The following SORCS1 variants were observed in gnomAD, a reference collection of about 807,000 sequenced individuals.
SORCS1 encodes the protein VPS10 domain-containing receptor SorCS1.
SORCS1 carries 60 observed loss-of-function variants against 146.1 expected under a neutral mutation model. The observed-to-expected ratio is 0.41, with a 90% CI of 0.33 to 0.51. The LOEUF (loss-of-function observed/expected upper bound fraction) is 0.51. Ranked by LOEUF, SORCS1 falls within the 20% of genes least tolerant of loss-of-function variation. The pLI, the probability that SORCS1 is intolerant of heterozygous loss-of-function variation, is 0.21. For missense variants in SORCS1, 1,352 were observed against 1,487.6 expected, an observed-to-expected ratio of 0.91 and a Z score of 1.50; for synonymous variants, 637 against 584.0, an observed-to-expected ratio of 1.09 and a Z score of -1.31.
intron 2 of SORCS1, among the ~76,000 whole-genome samples, chr10:106,857,233 C>G (rs1325864602): frequency 6.6e-6 from 1 of 152,196 alleles, no homozygotes; most frequent in Non-Finnish European, 1.5e-5. Context: ...ATGAGCCAAG[C>G]TGCTCCTTCG....
chr10:106,636,581 A>G (rs1409468619), intron 18 of SORCS1, among the ~76,000 whole-genome samples: 1 of 152,164 alleles, frequency 6.6e-6, no homozygotes, highest in South Asian at 2.1e-4. Flanking sequence ...TCAAATACTT[A>G]TAAGACCATC....
the SORCS1 span, among the ~76,000 whole-genome samples, chr10:107,175,459 A>C: frequency 6.6e-6 from 1 of 151,414 alleles, no homozygotes; most frequent in African/African-American, 2.5e-5. Context: ...TTTCTTTTAG[A>C]TGGAATCTCG....
chr10:107,063,023 C>T (rs1401499672), intron 1 of SORCS1, among the ~76,000 whole-genome samples: 1 of 152,186 alleles, frequency 6.6e-6, no homozygotes, highest in African/African-American at 2.4e-5. Flanking sequence ...AAGAACCTTA[C>T]TAGGCTCTGT....
At chr10:106,631,750 A>G (rs920119761) in intron 18 of SORCS1, among the ~76,000 whole-genome samples, 1 of 152,198 alleles carries the variant, frequency 6.6e-6, no homozygotes, top group Non-Finnish European at 1.5e-5. Flanking sequence ...ACACTCACAC[A>G]GCTGGGAAGA....
rs191935575 is a variant in SORCS1, at chr10:106,901,224, T to G, written c.626+55289A>C. ...TGTGATTACCCAGGATAGGAGGGATTAATTCACAGGTATTAGAAAGCAGCC... is the reference window on the plus strand; with the variant it reads ...TGTGATTACCCAGGATAGGAGGGATGAATTCACAGGTATTAGAAAGCAGCC... On this transcript the variant is annotated intron_variant, in intron 2 of 25. Coordinates refer to ENST00000263054, the MANE Select transcript of SORCS1 (RefSeq NM_052918.5). Among the ~76,000 whole-genome samples the G allele has an allele frequency of 8.5e-5, 13 of 152,332 alleles. No homozygotes were observed. The East Asian group carries it at 2.5e-3, about 29-fold the overall frequency.
intron 1 of SORCS1, among the ~76,000 whole-genome samples, chr10:107,021,457 T>G (rs1462164128): frequency 1.6e-5 from 2 of 126,102 alleles, no homozygotes; most frequent in Admixed American, 2.2e-4. Flanking sequence ...GAACTTGCAG[T>G]GAGCCGAGAA....
chr10:107,010,023 A>G (rs1432059063), intron 1 of SORCS1, among the ~76,000 whole-genome samples: 1 of 152,212 alleles, frequency 6.6e-6, no homozygotes. Flanking sequence ...TATGATGTGG[A>G]ACTATGTATG....
the SORCS1 span, among the ~76,000 whole-genome samples, chr10:107,179,816 C>T: frequency 1.3e-5 from 2 of 150,446 alleles, no homozygotes; most frequent in African/African-American, 4.9e-5. Flanking sequence ...AGATACTAGT[C>T]CTTTGTCAGA....
chr10:107,176,369 C>T, the SORCS1 span, among the ~76,000 whole-genome samples: 5 of 149,792 alleles, frequency 3.3e-5, no homozygotes, highest in African/African-American at 9.9e-5. Context: ...GCTTTCCTGT[C>T]GCCCAGGTTA....
chr10:106,658,421 C>T (rs900179677), intron 17 of SORCS1, among the ~76,000 whole-genome samples: 12 of 151,954 alleles, frequency 7.9e-5, no homozygotes, highest in Non-Finnish European at 1.2e-4. Flanking sequence ...AACTCTAGGT[C>T]TTCTTGTACC....
At chr10:106,592,605 G>A (rs1386336373) in intron 24 of SORCS1, among the ~76,000 whole-genome samples, 1 of 152,146 alleles carries the variant, frequency 6.6e-6, no homozygotes, top group African/African-American at 2.4e-5. Context: ...ATGTTGTAAT[G>A]GTCCCTGGGA....
chr10:106,850,340 C>T (rs1689708452), intron 2 of SORCS1, among the ~76,000 whole-genome samples: 1 of 152,048 alleles, frequency 6.6e-6, no homozygotes, highest in African/African-American at 2.4e-5. Flanking sequence ...GTGGGAGTGA[C>T]CCGATTTTCC....
intron 2 of SORCS1, among the ~76,000 whole-genome samples, chr10:106,845,301 G>C (rs1949271247): frequency 2.4e-5 from 2 of 84,854 alleles, no homozygotes; most frequent in Non-Finnish European, 5.0e-5. Flanking sequence ...ATATCTCATA[G>C]TGGTTTTGAT....
intron 2 of SORCS1, among the ~76,000 whole-genome samples, chr10:106,847,779 G>A (rs1379551316): frequency 6.4e-5 from 8 of 124,520 alleles, no homozygotes; most frequent in Non-Finnish European, 1.3e-4. Flanking sequence ...ATTCTGGTAT[G>A]TTGTGTCTTT....
At chr10:107,132,994 A>T (rs1464387703) in intron 1 of SORCS1, among the ~76,000 whole-genome samples, 1 of 152,234 alleles carries the variant, frequency 6.6e-6, no homozygotes, top group Non-Finnish European at 1.5e-5. Context: ...GTGTGGGGAC[A>T]AAGGGAACTT....
intron 8 of SORCS1, among the ~76,000 whole-genome samples, chr10:106,699,692 G>T (rs925726790): frequency 1.3e-5 from 2 of 152,108 alleles, no homozygotes; most frequent in African/African-American, 4.8e-5. Context: ...ATGATTCGGA[G>T]AATCAAGCAT....
At chr10:106,957,266 C>T (rs566747927) in intron 1 of SORCS1, among the ~76,000 whole-genome samples, 1 of 151,552 alleles carries the variant, frequency 6.6e-6, no homozygotes, top group South Asian at 2.1e-4. Flanking sequence ...CTCTGCCTCC[C>T]AGGTTCAAGC....
intron 24 of SORCS1, among the ~76,000 whole-genome samples, chr10:106,596,554 C>T (rs1210162928): frequency 6.6e-6 from 1 of 152,162 alleles, no homozygotes; most frequent in Non-Finnish European, 1.5e-5. Context: ...ACCACCTTCT[C>T]AGTTGAAGAG....
chr10:106,904,610 G>T (rs1007266623), intron 2 of SORCS1, among the ~76,000 whole-genome samples: 4 of 152,102 alleles, frequency 2.6e-5, no homozygotes, highest in Admixed American at 2.6e-4. Context: ...TTGGACAAAC[G>T]CACAAAGTCA....
Sources: allele counts gnomAD v4.1 joint callset (sites outside exome capture counted in the v4.1 genomes callset), GRCh38; gene constraint gnomAD v4.1.1; transcripts MANE v1.5; gene names NCBI Gene and HGNC (gene_info 2026-07-23, HGNC 2026-07-21).